The following CACNA2D4 variants were observed in gnomAD, a reference collection of about 807,000 sequenced individuals.
CACNA2D4 encodes the protein calcium voltage-gated channel auxiliary subunit alpha2delta 4.
CACNA2D4 carries 157 observed loss-of-function variants against 163.8 expected under a neutral mutation model. The observed-to-expected ratio is 0.96, with a 90% CI of 0.84 to 1.09. The LOEUF is 1.09. Ranked by LOEUF, CACNA2D4 falls within the 50% of genes least tolerant of loss-of-function variation. CACNA2D4 has a pLI of 0.00. For synonymous variants in CACNA2D4, 598 were observed against 586.9 expected (o/e 1.02, Z -0.27); for missense variants, 1,410 against 1,479.9 (o/e 0.95, Z 0.78).
intron 26 of CACNA2D4, among the ~76,000 whole-genome samples, chr12:1,819,897 C>T (rs954838997): frequency 2.6e-5 from 4 of 152,182 alleles, no homozygotes; most frequent in African/African-American, 9.6e-5. Context: ...TTCTGCTTCC[C>T]TAAGTAGTCC....
At chr12:1,881,661 C>T (rs1161092379) in intron 13 of CACNA2D4, among the ~76,000 whole-genome samples, 3 of 152,244 alleles carry the variant, frequency 2.0e-5, no homozygotes, top group Non-Finnish European at 4.4e-5. Flanking sequence ...ACCCACCTCT[C>T]TCTCATCAAA....
chr12:1,868,492 T>C (rs1413346858), intron 18 of CACNA2D4, among the ~76,000 whole-genome samples: 2 of 151,084 alleles, frequency 1.3e-5, no homozygotes, highest in African/African-American at 4.9e-5. Flanking sequence ...AAAACGTTGG[T>C]CAAAAGGTAC....
chr12:1,811,155 C>A (rs936926172), intron 27 of CACNA2D4, among the ~76,000 whole-genome samples: 6 of 152,082 alleles, frequency 3.9e-5, no homozygotes, highest in Admixed American at 1.3e-4. Flanking sequence ...AGGGGCTCGG[C>A]GTTGCAGGAG....
chr12:1,830,325 G>C (rs77248431), intron 26 of CACNA2D4, among the ~76,000 whole-genome samples: 1,603 of 152,344 alleles, frequency 0.011, 36 homozygotes, highest in South Asian at 0.06. Flanking sequence ...GTGTGGGATT[G>C]ATGGAAACAT....
intron 6 of CACNA2D4, among the ~76,000 whole-genome samples, chr12:1,895,831 G>T (rs1445831203): frequency 3.3e-5 from 5 of 152,036 alleles, no homozygotes; most frequent in Non-Finnish European, 7.4e-5. Context: ...AGAGATAGGG[G>T]TCTCACTATG....
At chr12:1,880,688 G>A (rs1865975483) in intron 13 of CACNA2D4, among the ~76,000 whole-genome samples, 1 of 152,268 alleles carries the variant, frequency 6.6e-6, no homozygotes, top group Admixed American at 6.5e-5. Flanking sequence ...TCTTGGAGAA[G>A]GAAGCACATT....
intron 29 of CACNA2D4, among the ~76,000 whole-genome samples, chr12:1,808,562 C>T (rs896921324): frequency 1.3e-5 from 2 of 152,222 alleles, no homozygotes; most frequent in African/African-American, 4.8e-5. Flanking sequence ...TTAGGAAACG[C>T]TCGCCTACCC....
At chr12:1,880,757 A>G (rs1477770540) in intron 13 of CACNA2D4, among the ~76,000 whole-genome samples, 2 of 152,232 alleles carry the variant, frequency 1.3e-5, no homozygotes, top group Non-Finnish European at 2.9e-5. Flanking sequence ...AGTTAGAAGT[A>G]AGGCTTTCTG....
rs376070887 is a variant in CACNA2D4 at position 1,817,991 on chromosome 12, G to A, written c.2552-6268C>T. Among the ~76,000 whole-genome samples, 66 of 151,576 alleles carry A rather than the reference G, an allele frequency of 4.4e-4. 3 individuals carry two copies. In the East Asian group the frequency reaches 8.0e-3, roughly 18 times the overall value. On this transcript the variant is annotated intron_variant, in intron 26 of 37. Transcript: ENST00000382722. ...CTCTCTGTCTGGCTGCCCAGTCTGG[G>A]AAGTGAGGAGCGCCTCTGCCCGGCC... is the stretch of plus-strand genomic sequence containing the variant.
chr12:1,880,335 C>G (rs1433302436), intron 13 of CACNA2D4, among the ~76,000 whole-genome samples: 1 of 152,258 alleles, frequency 6.6e-6, no homozygotes, highest in Non-Finnish European at 1.5e-5. Context: ...CAGAGCTACC[C>G]AGAAACACAA....
chr12:1,832,705 G>A (rs1001641302), intron 26 of CACNA2D4, among the ~76,000 whole-genome samples: 4 of 152,182 alleles, frequency 2.6e-5, no homozygotes, highest in East Asian at 1.9e-4. Context: ...TTTCATGAGC[G>A]GGGAAATAAT....
intron 26 of CACNA2D4, among the ~76,000 whole-genome samples, chr12:1,840,424 A>G (rs1864989662): frequency 2.4e-5 from 2 of 84,806 alleles, no homozygotes; most frequent in Admixed American, 3.6e-4. Context: ...TGCATACGGT[A>G]AATATATTAT....
At chr12:1,827,941 A>G in intron 26 of CACNA2D4, 3 of 416,530 alleles carry the variant, frequency 7.2e-6, no homozygotes, top group Non-Finnish European at 1.3e-5. Context: ...TTCTTCCCCC[A>G]CCCAGGGAAT....
intron 36 of CACNA2D4, 121 bp downstream of exon 36, chr12:1,795,547 G>A (rs904470348): frequency 1.2e-6 from 1 of 839,592 alleles, no homozygotes; most frequent in Non-Finnish European, 1.8e-6. Context: ...ACAAATAACG[G>A]AGCCCTGTGG....
chr12:1,882,512 G>A (rs1481606191), intron 13 of CACNA2D4, among the ~76,000 whole-genome samples: 4 of 121,064 alleles, frequency 3.3e-5, no homozygotes, highest in African/African-American at 1.3e-4. Context: ...TGGATTCTTG[G>A]TCTGACCCCT....
chr12:1,864,782 G>T (rs1865606401), intron 18 of CACNA2D4, among the ~76,000 whole-genome samples: 1 of 152,274 alleles, frequency 6.6e-6, no homozygotes, highest in African/African-American at 2.4e-5. Flanking sequence ...TCGTGCCGCG[G>T]ACACGCTCCG....
chr12:1,894,575 A>T (rs907771767), intron 6 of CACNA2D4, among the ~76,000 whole-genome samples: 3 of 152,084 alleles, frequency 2.0e-5, no homozygotes, highest in Admixed American at 6.6e-5. Context: ...GGATGCAAGG[A>T]TGGTTCAACA....
At chr12:1,831,221 G>C (rs1278258682) in intron 26 of CACNA2D4, 1 of 1,613,852 alleles carries the variant, frequency 6.2e-7, no homozygotes, top group Non-Finnish European at 8.5e-7. Context: ...TGACGAATCT[G>C]ACTGAGCTTC....
At position 1,844,025 on chromosome 12, in the gene CACNA2D4, C is replaced by T. The variant is rs1223970263; in HGVS notation, c.2470+377G>A. Among the ~76,000 whole-genome samples the T allele has an allele frequency of 2.0e-5, 3 of 152,156 alleles. No individual in the cohort carries two copies. Among genetic ancestry groups the T allele is most frequent in the Non-Finnish European group, 2.9e-5 (2 of 68,026 alleles). On this transcript the variant is annotated intron_variant, in intron 25 of 37. Transcript: ENST00000382722. This position sits in a 1 kb window ranked among gnomAD's most constrained non-coding sequence, Gnocchi z 4.2. The stretch of plus-strand genomic sequence containing the variant: ...TGAGTACTGCAGCCCCTAATGAAAC[C>T]ACCCGTCTGGGTGGTTTATGAAGCT...
Sources: gnomAD v4.1 joint callset for allele counts (sites outside exome capture counted in the v4.1 genomes callset) on GRCh38, gnomAD v4.1.1 for gene constraint, Gnocchi (gnomAD v3.1) non-coding constraint, MANE v1.5 for transcripts, NCBI Gene and HGNC (gene_info 2026-07-23, HGNC 2026-07-21) for gene names.